The following FAT3 variants were observed in gnomAD, a reference collection of about 807,000 sequenced individuals.
FAT3 encodes protocadherin Fat 3.
A neutral mutation model predicts 310.2 loss-of-function variants in FAT3; 95 were observed. The observed-to-expected ratio is 0.31, with a 90% confidence interval of 0.26 to 0.36. FAT3 has a LOEUF of 0.36. Among genes scored for constraint, FAT3 ranks in the 10% least tolerant of loss-of-function variants. FAT3 has a pLI of 1.00. For missense variants in FAT3, 5,408 were observed against 5,715.6 expected (o/e 0.95, Z 1.74); for synonymous variants, 2,314 against 2,192.9 (o/e 1.06, Z -1.54).
chr11:92,589,677 G>T (rs774390942), intron 3 of FAT3, among the ~76,000 whole-genome samples: 1 of 151,184 alleles, frequency 6.6e-6, no homozygotes, highest in African/African-American at 2.4e-5. Context: ...TTTCTCTCTC[G>T]CTCTCCCCCA....
chr11:92,565,393 C>G (rs1591458162), intron 3 of FAT3, among the ~76,000 whole-genome samples: 1 of 127,624 alleles, frequency 7.8e-6, no homozygotes, highest in African/African-American at 2.7e-5. Flanking sequence ...TGGCAATAAT[C>G]AATAGCTTAC....
chr11:92,392,374 A>T (rs990561478), intron 2 of FAT3, among the ~76,000 whole-genome samples: 13 of 152,116 alleles, frequency 8.5e-5, no homozygotes, highest in African/African-American at 2.9e-4. Flanking sequence ...TGTTTAAGAG[A>T]TGAAGAAATA....
At position 92,800,340 on chromosome 11, in the gene FAT3, C is replaced by T; in HGVS notation, c.7327C>T (p.Leu2443=). The part of the protein sequence containing the change: ...ILSGNDRTSF[L]MDSKSGVITL... ...ATCTGGGAATGACCGGACGAGCTTT[C>T]TGATGGACAGCAAGAGTGGAGTTAT... Residue 2443 remains leucine, a synonymous_variant, in exon 10 of 28, where the codon CTG becomes TTG. Transcript: ENST00000525166. 3 of 1,613,958 alleles carry T rather than the reference C, an allele frequency of 1.9e-6. No homozygotes were observed. The East Asian group carries it at 6.7e-5, about 36-fold the overall frequency.
chr11:92,855,113 G>T (rs1385342740), intron 19 of FAT3, among the ~76,000 whole-genome samples: 1 of 152,174 alleles, frequency 6.6e-6, no homozygotes, highest in South Asian at 2.1e-4. Context: ...ATAGACTACT[G>T]GTCAATATTT....
intron 1 of FAT3, among the ~76,000 whole-genome samples, chr11:92,283,749 G>A (rs1400480556): frequency 1.3e-5 from 2 of 152,132 alleles, no homozygotes; most frequent in Admixed American, 6.6e-5. Context: ...TCCACAGGGT[G>A]AATTTGATAT....
intron 1 of FAT3, among the ~76,000 whole-genome samples, chr11:92,262,731 C>CA (rs1426913677): frequency 1.3e-5 from 2 of 152,110 alleles, no homozygotes; most frequent in African/African-American, 4.8e-5. Flanking sequence ...GAATGTCCCA[C>CA]ATGGGACTGT....
chr11:92,703,683 A>G (rs937841710), intron 4 of FAT3, among the ~76,000 whole-genome samples: 1 of 152,220 alleles, frequency 6.6e-6, no homozygotes, highest in African/African-American at 2.4e-5. Context: ...GTTAATAGAT[A>G]TGCACTCTTT....
chr11:92,364,866 G>T (rs116048638), intron 2 of FAT3, among the ~76,000 whole-genome samples: 9,962 of 152,168 alleles, frequency 0.065, 1,083 homozygotes, highest in African/African-American at 0.22. Flanking sequence ...TAATATTCTA[G>T]TTGGTTTTAA....
Position 92,799,980 on chromosome 11 carries a change from C to T in FAT3, c.6967C>T (p.His2323Tyr). Residue 2323 changes from histidine to tyrosine, a missense_variant, in exon 10 of 28, where the codon CAT becomes TAT. Transcript: ENST00000525166. ...DADSENNKMV[H>Y]YQIVQDTYNS... ...AGACTCAGAAAACAATAAAATGGTA[C>T]ATTATCAGATTGTCCAGGATACCTA... 6.2e-7 allele frequency: 1 copy of T among 1,613,590 alleles called. No homozygotes were observed. Among genetic ancestry groups the T allele is most frequent in the Non-Finnish European group, 8.5e-7 (1 of 1,179,706 alleles).
At chr11:92,377,637 C>T (rs1206040267) in intron 2 of FAT3, among the ~76,000 whole-genome samples, 1 of 152,180 alleles carries the variant, frequency 6.6e-6, no homozygotes, top group African/African-American at 2.4e-5. Flanking sequence ...GGTTCAGGAT[C>T]AGCTGTATAT....
intron 3 of FAT3, among the ~76,000 whole-genome samples, chr11:92,656,508 T>C (rs543553361): frequency 6.6e-6 from 1 of 152,346 alleles, no homozygotes; most frequent in East Asian, 1.9e-4. Flanking sequence ...ATCTTCTTGA[T>C]GTAATGGCAC....
chr11:92,348,972 A>G (rs957366208), intron 1 of FAT3, among the ~76,000 whole-genome samples: 3 of 152,134 alleles, frequency 2.0e-5, no homozygotes, highest in Admixed American at 6.6e-5. Context: ...GATGCTGGGA[A>G]TAGAGTGATG....
intron 2 of FAT3, among the ~76,000 whole-genome samples, chr11:92,361,393 A>G (rs1274525057): frequency 6.6e-6 from 1 of 151,954 alleles, no homozygotes; most frequent in Non-Finnish European, 1.5e-5. Flanking sequence ...TCATGTTAGA[A>G]CCTAATAACA....
chr11:92,481,027 G>A lies in FAT3; in HGVS notation c.3293-43607G>A, dbSNP rs927825013. Among the ~76,000 whole-genome samples the A allele has an allele frequency of 8.5e-5, 13 of 152,202 alleles. No homozygotes were observed. The East Asian group carries it at 1.2e-3, about 14-fold the overall frequency. On this transcript the variant is annotated intron_variant, in intron 2 of 27. Transcript: ENST00000525166. ...ACTTAGAAGTTTCTGCCTCCAAAAA[G>A]ATGATTAAGAGTGTACTTCATTTAA...
chr11:92,880,201 A>G (rs534309779), intron 22 of FAT3, among the ~76,000 whole-genome samples: 43 of 150,998 alleles, frequency 2.8e-4, no homozygotes, highest in African/African-American at 9.7e-4. Context: ...AATTCCTTCC[A>G]TTTCCCTGTG....
chr11:92,739,184 T>A (rs1295125612), intron 4 of FAT3, among the ~76,000 whole-genome samples: 1 of 152,186 alleles, frequency 6.6e-6, no homozygotes, highest in Non-Finnish European at 1.5e-5. Flanking sequence ...ACTCTGATTA[T>A]CTGATTTCAA....
At chr11:92,879,241 A>G (rs985102676) in intron 22 of FAT3, among the ~76,000 whole-genome samples, 1 of 152,200 alleles carries the variant, frequency 6.6e-6, no homozygotes, top group African/African-American at 2.4e-5. Flanking sequence ...TTTTGGAGGA[A>G]GTAACTGTGG....
At chr11:92,886,399 A>G (rs1377952988) in intron 24 of FAT3, among the ~76,000 whole-genome samples, 5 of 151,940 alleles carry the variant, frequency 3.3e-5, no homozygotes, top group Admixed American at 3.3e-4. Flanking sequence ...ACGGTAAAGA[A>G]GGAGGACATA....
chr11:92,835,479 A>G (rs2136271103), intron 15 of FAT3, among the ~76,000 whole-genome samples: 1 of 152,196 alleles, frequency 6.6e-6, no homozygotes, highest in Non-Finnish European at 1.5e-5. Context: ...AGCATGATGA[A>G]TATAGTTAAT....
Sources: gnomAD v4.1 joint callset for allele counts (sites outside exome capture counted in the v4.1 genomes callset) on GRCh38, gnomAD v4.1.1 for gene constraint, MANE v1.5 for transcripts, NCBI Gene and HGNC (gene_info 2026-07-23, HGNC 2026-07-21) for gene names.